SEMA3A: variants seen among roughly 807,000 people sequenced by gnomAD.
The protein encoded by SEMA3A is semaphorin-3A.
SEMA3A carries 29 observed loss-of-function variants against 97.9 expected under a neutral mutation model. The ratio of observed to expected loss-of-function variants is 0.30; its 90% CI spans 0.22 to 0.40. The LOEUF (loss-of-function observed/expected upper bound fraction) is 0.40, where lower values mean the gene tolerates loss of function less well. Ranked by LOEUF, SEMA3A falls within the 10% of genes least tolerant of loss-of-function variation. The pLI, the probability that SEMA3A is intolerant of heterozygous loss-of-function variation, is 1.00. For missense variants in SEMA3A, 763 were observed against 951.3 expected (o/e 0.80, Z 2.60); for synonymous variants, 321 against 323.7 (o/e 0.99, Z 0.09).
chr7:84,456,488 C>T (rs200675398), intron 1 of SEMA3A, among the ~76,000 whole-genome samples: 13 of 151,746 alleles, frequency 8.6e-5, no homozygotes, highest in African/African-American at 3.1e-4. Flanking sequence ...TTTGAATGGG[C>T]CAGATATCAA....
chr7:83,982,414 C>T (rs1304844161), intron 13 of SEMA3A, among the ~76,000 whole-genome samples: 1 of 152,060 alleles, frequency 6.6e-6, no homozygotes, highest in Non-Finnish European at 1.5e-5. Flanking sequence ...TTTAAAATGC[C>T]TTTAACAAAG....
intron 1 of SEMA3A, among the ~76,000 whole-genome samples, chr7:84,435,657 A>C (rs996303979): frequency 6.6e-6 from 1 of 152,100 alleles, no homozygotes; most frequent in African/African-American, 2.4e-5. Flanking sequence ...CAAAACACTG[A>C]TGAAAGAAAC....
intron 3 of SEMA3A, among the ~76,000 whole-genome samples, chr7:84,268,389 C>G (rs919767429): frequency 5.9e-5 from 9 of 151,626 alleles, no homozygotes; most frequent in African/African-American, 2.2e-4. Flanking sequence ...TCCTTCTCAC[C>G]TCCAGCTTGG....
At chr7:84,134,162 A>G (rs1440852456) in intron 2 of SEMA3A, among the ~76,000 whole-genome samples, 1 of 152,222 alleles carries the variant, frequency 6.6e-6, no homozygotes, top group Admixed American at 6.5e-5. Flanking sequence ...TGATGTCTGC[A>G]TGACCACATT....
intron 2 of SEMA3A, 47 bp downstream of exon 2, chr7:84,134,747 T>G (rs759443592): frequency 5.0e-5 from 68 of 1,358,976 alleles, no homozygotes; most frequent in South Asian, 5.9e-5. Flanking sequence ...ATCTATAACT[T>G]GAGATGCTTC....
upstream of SEMA3A, among the ~76,000 whole-genome samples, chr7:84,198,020 G>A (rs1472790923): frequency 1.3e-5 from 2 of 151,844 alleles, no homozygotes; most frequent in African/African-American, 2.4e-5. Flanking sequence ...GATTACAGGC[G>A]TGAGCCCCCG....
At position 84,424,587 on chromosome 7, in the gene SEMA3A, A is replaced by G. The variant is rs1313315958; in HGVS notation, c.-245-52687T>C. ...ATATATAAATATTAATATATATTATATATAATATATAAATATTAATATATA... is the reference window on the plus strand; with the variant it reads ...ATATATAAATATTAATATATATTATGTATAATATATAAATATTAATATATA... On this transcript the variant is annotated intron_variant, in intron 1 of 3. Transcript: ENST00000424555. 4.1e-4 allele frequency among the ~76,000 whole-genome samples: 32 copies of G among 78,152 alleles called. 1 individual carries two copies. In the East Asian group the frequency reaches 0.011, roughly 27 times the overall value. The allele number at this position is 78,152 out of a possible 152,430, so 51.3% of individuals were successfully genotyped here.
chr7:84,131,957 T>A (rs12707621), intron 2 of SEMA3A, among the ~76,000 whole-genome samples: 47,378 of 151,856 alleles, frequency 0.31, 8,401 homozygotes, highest in African/African-American at 0.5. Context: ...GCCCAGCTTA[T>A]CTGTGTATTT....
intron 3 of SEMA3A, among the ~76,000 whole-genome samples, chr7:84,232,602 ATTCTT>A (rs758777964): frequency 2.6e-5 from 4 of 151,854 alleles, no homozygotes; most frequent in Non-Finnish European, 5.9e-5. Flanking sequence ...CTTTTCACAT[ATTCTT>A]TTCTTCATTT....
chr7:84,062,452 G>A (rs146574670), intron 4 of SEMA3A, among the ~76,000 whole-genome samples: 7,208 of 152,278 alleles, frequency 0.047, 282 homozygotes, highest in East Asian at 0.19. Context: ...CCGGTCTACG[G>A]CTCCCAGAGT....
At chr7:84,487,502 T>C (rs1344642014) in intron 1 of SEMA3A, among the ~76,000 whole-genome samples, 1 of 152,088 alleles carries the variant, frequency 6.6e-6, no homozygotes, top group Non-Finnish European at 1.5e-5. Flanking sequence ...GGTTCCCTGG[T>C]AAAAGGCTTG....
intron 1 of SEMA3A, among the ~76,000 whole-genome samples, chr7:84,435,090 G>A (rs1805090867): frequency 6.6e-6 from 1 of 152,138 alleles, no homozygotes; most frequent in Non-Finnish European, 1.5e-5. Flanking sequence ...CTACATCATT[G>A]TATACCTAGA....
intron 3 of SEMA3A, among the ~76,000 whole-genome samples, chr7:84,111,246 C>T (rs551661085): frequency 9.2e-5 from 14 of 152,152 alleles, no homozygotes; most frequent in Non-Finnish European, 1.5e-4. Context: ...AAGGATCAAG[C>T]GTGGACAACA....
intron 2 of SEMA3A, among the ~76,000 whole-genome samples, chr7:84,313,808 A>G (rs1801426777): frequency 6.6e-6 from 1 of 152,014 alleles, no homozygotes; most frequent in South Asian, 2.1e-4. Context: ...ATTCTGTGAA[A>G]ACAAAAATAT....
At chr7:84,365,500 A>G (rs998764119) in intron 2 of SEMA3A, among the ~76,000 whole-genome samples, 6 of 151,522 alleles carry the variant, frequency 4.0e-5, no homozygotes, top group African/African-American at 1.5e-4. Context: ...TTTGTCTCCA[A>G]AATTAATTCT....
chr7:84,140,957 A>T (rs750308246), intron 1 of SEMA3A, among the ~76,000 whole-genome samples: 2 of 152,306 alleles, frequency 1.3e-5, no homozygotes, highest in Non-Finnish European at 1.5e-5. Context: ...TCAGAGATAA[A>T]TAAATTTGCA....
intron 1 of SEMA3A, among the ~76,000 whole-genome samples, chr7:84,452,770 T>G (rs1199619564): frequency 5.3e-5 from 8 of 152,230 alleles, no homozygotes; most frequent in Admixed American, 5.2e-4. Context: ...CTGTTTTCCT[T>G]CTAGCAAGCC....
At chr7:84,046,182 C>A in intron 6 of SEMA3A, 142 bp downstream of exon 6, 1 of 858,012 alleles carries the variant, frequency 1.2e-6, no homozygotes, top group Non-Finnish European at 1.7e-6. Flanking sequence ...AACTTTCTCA[C>A]ACCCACCATC....
chr7:83,996,228 A>G (rs1790211248), intron 12 of SEMA3A, among the ~76,000 whole-genome samples: 1 of 151,992 alleles, frequency 6.6e-6, no homozygotes, highest in Non-Finnish European at 1.5e-5. Context: ...ACATGTATGG[A>G]ATTTTCAAGC....
Sources: gnomAD v4.1 joint callset for allele counts (sites outside exome capture counted in the v4.1 genomes callset) on GRCh38, gnomAD v4.1.1 for gene constraint, MANE v1.5 for transcripts, NCBI Gene and HGNC (gene_info 2026-07-23, HGNC 2026-07-21) for gene names.